Variants in ZNF385B observed in about 807,000 individuals in gnomAD.
The protein encoded by ZNF385B is zinc finger protein 385B, also known as zinc finger protein 533.
ZNF385B carries 23 observed loss-of-function variants against 39.2 expected under a neutral mutation model. The ratio of observed to expected loss-of-function variants is 0.59; its 90% CI spans 0.42 to 0.83. The LOEUF is 0.83. ZNF385B is among the 40% of genes least tolerant of loss of function. The pLI is 0.00. For missense variants in ZNF385B, 552 were observed against 598.9 expected (o/e 0.92, Z 0.82); for synonymous variants, 205 against 222.6 (o/e 0.92, Z 0.70).
At chr2:179,534,974 T>C (rs2059470211) in intron 4 of ZNF385B, among the ~76,000 whole-genome samples, 1 of 152,218 alleles carries the variant, frequency 6.6e-6, no homozygotes, top group African/African-American at 2.4e-5. Flanking sequence ...ATAATCATTT[T>C]AGCATCTAAC....
At chr2:179,739,989 T>C (rs151028859) in intron 3 of ZNF385B, among the ~76,000 whole-genome samples, 4 of 152,254 alleles carry the variant, frequency 2.6e-5, no homozygotes, top group African/African-American at 7.2e-5. Context: ...CTATTACCCA[T>C]TGTGCAATAA....
chr2:179,738,065 T>G (rs1445182658), intron 3 of ZNF385B, among the ~76,000 whole-genome samples: 2 of 152,200 alleles, frequency 1.3e-5, no homozygotes, highest in Non-Finnish European at 2.9e-5. Flanking sequence ...ATCATATGCC[T>G]AAGTCACAAT....
intron 3 of ZNF385B, among the ~76,000 whole-genome samples, chr2:179,749,085 C>G (rs1220130931): frequency 6.6e-6 from 1 of 151,658 alleles, no homozygotes; most frequent in Admixed American, 6.6e-5. Flanking sequence ...TTTTAGCAAC[C>G]AAAATGGTGC....
chr2:179,659,395 T>G (rs1057056834), intron 3 of ZNF385B, among the ~76,000 whole-genome samples: 14 of 152,320 alleles, frequency 9.2e-5, no homozygotes, highest in Admixed American at 2.0e-4. Context: ...TTAAAACATT[T>G]ATATATTTTC....
At chr2:179,850,126 TG>T (rs965670174) in intron 1 of ZNF385B, among the ~76,000 whole-genome samples, 8 of 152,124 alleles carry the variant, frequency 5.3e-5, no homozygotes, top group Admixed American at 3.9e-4. Flanking sequence ...AATAAAAAGC[TG>T]GGGGGGAAAG....
At chr2:179,534,649 G>A (rs183781839) in intron 4 of ZNF385B, 14 of 152,264 alleles carry the variant, frequency 9.2e-5, no homozygotes, top group African/African-American at 3.4e-4. Context: ...CTAGACATCA[G>A]TCTTCTAACT....
chr2:179,839,829 A>AG (rs1215600668), intron 1 of ZNF385B, among the ~76,000 whole-genome samples: 1 of 152,178 alleles, frequency 6.6e-6, no homozygotes, highest in Non-Finnish European at 1.5e-5. Context: ...ATGGTGGGAG[A>AG]GGCCACCTTG....
intron 3 of ZNF385B, among the ~76,000 whole-genome samples, chr2:179,573,349 T>C (rs1357513902): frequency 6.6e-6 from 1 of 152,096 alleles, no homozygotes; most frequent in South Asian, 2.1e-4. Flanking sequence ...ATGAAAGGAA[T>C]AGTATAATTT....
intron 1 of ZNF385B, among the ~76,000 whole-genome samples, chr2:179,813,054 G>A (rs1043753988): frequency 2.6e-5 from 4 of 152,012 alleles, no homozygotes; most frequent in Non-Finnish European, 5.9e-5. Context: ...TTTCAAATTA[G>A]TCACATTTAA....
At chr2:179,469,802 A>G (rs1377570368) in intron 6 of ZNF385B, among the ~76,000 whole-genome samples, 1 of 152,174 alleles carries the variant, frequency 6.6e-6, no homozygotes, top group African/African-American at 2.4e-5. Context: ...ACCTCAGTAA[A>G]GTCTCTCTTT....
At chr2:179,552,651 C>T (rs1385045659) in intron 3 of ZNF385B, among the ~76,000 whole-genome samples, 1 of 148,990 alleles carries the variant, frequency 6.7e-6, no homozygotes, top group Non-Finnish European at 1.5e-5. Context: ...GCATCTCCTC[C>T]ACTTCTCTCA....
At chr2:179,811,496 C>G (rs183079) in intron 1 of ZNF385B, among the ~76,000 whole-genome samples, 67,999 of 151,778 alleles carry the variant, frequency 0.45, 15,790 homozygotes, top group Admixed American at 0.54. Context: ...AAATAAAGCT[C>G]CACACCTACA....
chr2:179,456,087 T>C lies in ZNF385B; in HGVS notation c.716-9317A>G, dbSNP rs1390710773. Among the ~76,000 whole-genome samples the C allele has an allele frequency of 5.9e-5, 9 of 152,182 alleles. No individual in the cohort carries two copies. In the East Asian group the frequency reaches 1.7e-3, roughly 29 times the overall value. On this transcript the variant is annotated intron_variant, in intron 6 of 9. Transcript: ENST00000410066. Reference sequence around the variant, plus strand: ...TGTATCTGCATTGTTAAGCAACACATGGCTGTAAAGGCTATCATGTTTGTA... The same window carrying C: ...TGTATCTGCATTGTTAAGCAACACACGGCTGTAAAGGCTATCATGTTTGTA...
At chr2:179,509,296 T>C (rs1289143295) in intron 5 of ZNF385B, among the ~76,000 whole-genome samples, 1 of 152,186 alleles carries the variant, frequency 6.6e-6, no homozygotes, top group East Asian at 1.9e-4. Flanking sequence ...TAAAATAAGG[T>C]AATGCTGAGA....
At chr2:179,567,926 G>A (rs923428784) in intron 3 of ZNF385B, among the ~76,000 whole-genome samples, 2 of 152,002 alleles carry the variant, frequency 1.3e-5, no homozygotes, top group Admixed American at 1.3e-4. Context: ...GACCACTTAC[G>A]GTCTCCGACA....
chr2:179,736,785 CATG>C (rs1701786599), intron 3 of ZNF385B, among the ~76,000 whole-genome samples: 1 of 152,070 alleles, frequency 6.6e-6, no homozygotes, highest in African/African-American at 2.4e-5. Context: ...GCCTGGGCAA[CATG>C]GTGAAACCCC....
rs34449760 is a variant in ZNF385B at position 179,714,942 on chromosome 2, CAAA to C, written c.298+54558_298+54560del. Among the ~76,000 whole-genome samples, 51 of 79,252 alleles carry C rather than the reference CAAA, an allele frequency of 6.4e-4. 1 individual carries two copies. Among genetic ancestry groups the C allele is most frequent in the African/African-American group, 2.5e-3 (49 of 19,804 alleles). 52.0% of individuals were successfully genotyped at this position (79,252 alleles called of 152,430 possible). Reference sequence around the variant, plus strand: ...TGGGTAACAAAGCGAGATTCTATCTCAAAAAAAAAAAAAAAAAAACAGTTTCCT... The same window carrying C: ...TGGGTAACAAAGCGAGATTCTATCTCAAAAAAAAAAAAAAAACAGTTTCCT... On this transcript the variant is annotated intron_variant, in intron 3 of 9. Transcript: ENST00000410066.
At chr2:179,544,992 G>T in intron 3 of ZNF385B, 23 bp from the exon 4 acceptor site, 1 of 1,613,518 alleles carries the variant, frequency 6.2e-7, no homozygotes. Context: ...AAACAAAAAT[G>T]AATTCAATTT....
intron 5 of ZNF385B, among the ~76,000 whole-genome samples, chr2:179,500,848 A>C (rs1370604164): frequency 6.6e-6 from 1 of 152,180 alleles, no homozygotes; most frequent in Admixed American, 6.5e-5. Flanking sequence ...CCTATCTGAC[A>C]AGGGATTAAT....
Sources: allele counts gnomAD v4.1 joint callset (sites outside exome capture counted in the v4.1 genomes callset), GRCh38; gene constraint gnomAD v4.1.1; transcripts MANE v1.5; gene names NCBI Gene and HGNC (gene_info 2026-07-23, HGNC 2026-07-21).